The following SYNJ1 variants were observed in gnomAD, a reference collection of about 807,000 sequenced individuals.
The protein encoded by SYNJ1 is synaptojanin 1.
In SYNJ1, 78 loss-of-function variants were observed where a neutral mutation model predicts 168.2. That is an observed-to-expected ratio of 0.46 (90% CI 0.39 to 0.56). The LOEUF is 0.56. SYNJ1 is among the 20% of genes least tolerant of loss of function. SYNJ1 has a pLI of 0.00. For missense variants in SYNJ1, 1,303 were observed against 1,597.6 expected, an observed-to-expected ratio of 0.82 and a Z score of 3.14; for synonymous variants, 539 against 548.6, an observed-to-expected ratio of 0.98 and a Z score of 0.24.
intron 9 of SYNJ1, among the ~76,000 whole-genome samples, chr21:32,685,181 C>CA (rs553002012): frequency 0.062 from 3,563 of 57,262 alleles, 73 homozygotes; most frequent in Non-Finnish European, 0.073. Flanking sequence ...GACTCCGTCT[C>CA]AAAAAAAAAA....
At chr21:32,698,980 A>G (rs2042304292) in intron 4 of SYNJ1, among the ~76,000 whole-genome samples, 1 of 152,208 alleles carries the variant, frequency 6.6e-6, no homozygotes, top group Non-Finnish European at 1.5e-5. Flanking sequence ...GTATTTTGGA[A>G]ATGAAAGTTC....
At chr21:32,727,875 G>A in intron 1 of SYNJ1, 71 bp downstream of exon 1, 2 of 1,524,018 alleles carry the variant, frequency 1.3e-6, no homozygotes, top group Non-Finnish European at 1.8e-6. Flanking sequence ...ACTGGTCTTG[G>A]AGGCGTCCGC....
intron 9 of SYNJ1, 102 bp downstream of exon 9, chr21:32,685,646 T>C (rs2041811940): frequency 1.4e-6 from 1 of 726,840 alleles, no homozygotes; most frequent in Admixed American, 4.3e-5. Flanking sequence ...AGATATTTAA[T>C]TATAAACTTT....
chr21:32,688,841 A>G (rs575902726), intron 6 of SYNJ1, among the ~76,000 whole-genome samples: 4 of 152,290 alleles, frequency 2.6e-5, no homozygotes, highest in African/African-American at 9.6e-5. Flanking sequence ...CTACTCCTCC[A>G]AGCTGCCTAC....
At chr21:32,683,957 G>T in intron 10 of SYNJ1, 81 bp downstream of exon 10, 1 of 1,204,112 alleles carries the variant, frequency 8.3e-7, no homozygotes, top group Non-Finnish European at 1.2e-6. Context: ...TTTCTGGAAG[G>T]TAATAAGAAA....
chr21:32,684,367 G>A (rs994418542), intron 9 of SYNJ1, among the ~76,000 whole-genome samples: 1 of 152,008 alleles, frequency 6.6e-6, no homozygotes, highest in Non-Finnish European at 1.5e-5. Flanking sequence ...TTTTAATTAG[G>A]CCAACAATTA....
intron 10 of SYNJ1, among the ~76,000 whole-genome samples, chr21:32,682,104 A>T (rs1262476175): frequency 6.6e-6 from 1 of 152,204 alleles, no homozygotes; most frequent in African/African-American, 2.4e-5. Context: ...ATTGTCACAA[A>T]ATAAAGAAAA....
Position 32,668,057 on chromosome 21 carries a change from G to GTA in SYNJ1, c.1812-1486_1812-1485dup, listed in dbSNP as rs113559469. 4.0e-4 allele frequency among the ~76,000 whole-genome samples: 60 copies of GTA among 149,836 alleles called. 1 individual carries two copies. Among genetic ancestry groups the GTA allele is most frequent in the African/African-American group, 9.3e-4 (38 of 40,714 alleles). ...TGTGTGTGTGTGTGTGTGCATGTGT[G>GTA]TATATATATATACATATACATATTT... is the stretch of plus-strand genomic sequence containing the variant. On this transcript the variant is annotated intron_variant, in intron 15 of 32. Transcript: ENST00000674351.
chr21:32,683,737 A>G lies in SYNJ1; in HGVS notation c.1200+301T>C, dbSNP rs1175046995. On this transcript the variant is annotated intron_variant, in intron 10 of 32. Transcript: ENST00000674351. ...CACATACACCCACACCCACACATAT[A>G]TATTTCCTCCAAAAGACAGGGAAAA... is the stretch of plus-strand genomic sequence containing the variant. 3.9e-5 allele frequency among the ~76,000 whole-genome samples: 6 copies of G among 152,114 alleles called. No homozygotes were observed. In the East Asian group the frequency reaches 7.7e-4, roughly 19 times the overall value.
At chr21:32,638,766 AT>A (rs1417308423) in intron 31 of SYNJ1, 141 bp downstream of exon 31, 4 of 632,688 alleles carry the variant, frequency 6.3e-6, no homozygotes, top group African/African-American at 3.7e-5. Context: ...ACACATATAT[AT>A]GTATAATAAC....
At position 32,650,339 on chromosome 21, in the gene SYNJ1, T is replaced by C. The variant is rs754401787; in HGVS notation, c.2882A>G (p.Asn961Ser). 1.4e-5 allele frequency: 22 copies of C among 1,604,708 alleles called. No homozygotes were observed. Among genetic ancestry groups the C allele is most frequent in the Non-Finnish European group, 1.9e-5 (22 of 1,177,346 alleles). Reference sequence around the variant, plus strand: ...TTTTAAAGCAATAGTTATAGTCCGATTCAATAACTAGCGGAGTAAAAGAGA... The same window carrying C: ...TTTTAAAGCAATAGTTATAGTCCGACTCAATAACTAGCGGAGTAAAAGAGA... ...VLSLNGKELLNRTITIALKSP... is the reference protein window; with the variant it reads ...VLSLNGKELLSRTITIALKSP... Residue 961 changes from asparagine (N) to serine (S), a missense_variant, in exon 23 of 33, where the codon AAT becomes AGT. By Grantham distance (46) the Asn-to-Ser change is conservative. Coordinates refer to ENST00000674351, the MANE Select transcript of SYNJ1 (RefSeq NM_203446.3).
chr21:32,704,403 T>A (rs143416607), intron 2 of SYNJ1, among the ~76,000 whole-genome samples: 3 of 152,346 alleles, frequency 2.0e-5, no homozygotes, highest in African/African-American at 7.2e-5. Flanking sequence ...TACATTTGTA[T>A]CTGAAGGACA....
At chr21:32,701,907 A>G in intron 3 of SYNJ1, 54 bp downstream of exon 3, 5 of 1,368,116 alleles carry the variant, frequency 3.7e-6, no homozygotes. Flanking sequence ...AAATCCTTAG[A>G]ATTACAAAAT....
chr21:32,719,812 A>G (rs1432497826), intron 2 of SYNJ1, among the ~76,000 whole-genome samples: 2 of 152,086 alleles, frequency 1.3e-5, no homozygotes, highest in Non-Finnish European at 2.9e-5. Flanking sequence ...TTATGAAGAA[A>G]ATAAATGTTC....
Position 32,673,773 on chromosome 21 carries a change from TA to T in SYNJ1, c.1535-243del, listed in dbSNP as rs555094790. Among the ~76,000 whole-genome samples, 839 of 140,790 alleles carry T rather than the reference TA, an allele frequency of 6.0e-3. 3 individuals carry two copies. The highest frequency in any genetic ancestry group is 8.9e-3 in the Non-Finnish European group (567 of 63,620). The allele number at this position is 140,790 out of a possible 152,430, so 92.4% of individuals were successfully genotyped here. ...TCAACATTAAATACAATAGCCAAAG[TA>T]AAAAAAAAAATACTACACATACAGA... On this transcript the variant is annotated intron_variant, in intron 13 of 32. Coordinates refer to ENST00000674351, the MANE Select transcript of SYNJ1 (RefSeq NM_203446.3).
chr21:32,684,213 T>G, intron 9 of SYNJ1, 94 bp from the exon 10 acceptor site: 2 of 1,151,198 alleles, frequency 1.7e-6, no homozygotes, highest in Non-Finnish European at 2.6e-6. Flanking sequence ...AGCATCCACC[T>G]TCCCTCTCCA....
chr21:32,639,944 A>T (rs2039758290), intron 29 of SYNJ1, among the ~76,000 whole-genome samples, 165 bp from the exon 30 acceptor site: 1 of 152,236 alleles, frequency 6.6e-6, no homozygotes, highest in Non-Finnish European at 1.5e-5. Context: ...GATGAATTTT[A>T]AAATCTTCCT....
Position 32,641,962 on chromosome 21 carries a change from G to A in SYNJ1, c.3522C>T (p.Arg1174=). The A allele has an allele frequency of 1.2e-6, 2 of 1,613,914 alleles. No individual in the cohort carries two copies. The highest frequency in any genetic ancestry group is 2.2e-5 in the South Asian group (2 of 91,066). Residue 1174 remains arginine, a synonymous_variant, in exon 29 of 33, where the codon CGC becomes CGT. Transcript: ENST00000674351. ...PGTTRKDNIG[R]SQPSPQAGLA... is the part of the protein sequence containing the mutation. Reference sequence around the variant, plus strand: ...GTCCTGCTTGAGGTGAAGGCTGACTGCGTCCTGGAACAAAGACATCATATC... The same window carrying A: ...GTCCTGCTTGAGGTGAAGGCTGACTACGTCCTGGAACAAAGACATCATATC...
rs1489665253 is a variant in SYNJ1, at chr21:32,665,940, T to C, written c.2145+3A>G. 5 of 1,599,096 alleles carry C rather than the reference T, an allele frequency of 3.1e-6. No individual in the cohort carries two copies. The highest frequency in any genetic ancestry group is 3.5e-5 in the Admixed American group (2 of 57,854). The stretch of plus-strand genomic sequence containing the variant: ...TCTTCAAGAACAAGCAGCAAGAGCT[T>C]ACCATAGGAAAACTCAATTTTCGTG... On this transcript the variant is annotated splice_donor_region_variant and intron_variant, in intron 17 of 32. Transcript: ENST00000674351.
Sources: gnomAD v4.1 joint callset for allele counts (sites outside exome capture counted in the v4.1 genomes callset) on GRCh38, gnomAD v4.1.1 for gene constraint, MANE v1.5 for transcripts, NCBI Gene and HGNC (gene_info 2026-07-23, HGNC 2026-07-21) for gene names.